The following MAP3K5 variants were observed in gnomAD, a reference collection of about 807,000 sequenced individuals.
The protein encoded by MAP3K5 is mitogen-activated protein kinase kinase kinase 5, also known as ASK-1.
In MAP3K5, 56 loss-of-function variants were observed where a neutral mutation model predicts 158.7. That is an observed-to-expected ratio of 0.35 (90% CI 0.28 to 0.44). MAP3K5 has a LOEUF of 0.44. Ranked by LOEUF, MAP3K5 falls within the 20% of genes least tolerant of loss-of-function variation. The pLI, the probability that MAP3K5 is intolerant of heterozygous loss-of-function variation, is 1.00. For synonymous variants in MAP3K5, 579 were observed against 601.7 expected, an observed-to-expected ratio of 0.96 and a Z score of 0.55; for missense variants, 1,294 against 1,674.8, an observed-to-expected ratio of 0.77 and a Z score of 3.97.
At chr6:136,761,073 G>A (rs959648417) in intron 1 of MAP3K5, among the ~76,000 whole-genome samples, 2 of 152,130 alleles carry the variant, frequency 1.3e-5, no homozygotes, top group African/African-American at 4.8e-5. Context: ...AGCTATTTAT[G>A]AGGAAGTGGG....
In MAP3K5 at chr6:136,740,435, T is replaced by C. The variant is rs555612204; in HGVS notation, c.449-19846A>G. On this transcript the variant is annotated intron_variant, in intron 1 of 29. Coordinates refer to ENST00000359015, the MANE Select transcript of MAP3K5 (RefSeq NM_005923.4). ...AAATATTCATGTCACGTCAAGTTTC[T>C]TTTAGACATCAACAAGCCAGAGCTG... Among the ~76,000 whole-genome samples the C allele has an allele frequency of 5.3e-5, 8 of 152,308 alleles. No homozygotes were observed. In the East Asian group the frequency reaches 1.5e-3, roughly 29 times the overall value.
chr6:136,737,033 G>GTA lies in MAP3K5; in HGVS notation c.449-16445_449-16444insTA, dbSNP rs796790486. Among the ~76,000 whole-genome samples the GTA allele has an allele frequency of 3.4e-4, 38 of 112,010 alleles. 1 individual carries two copies. Among genetic ancestry groups the GTA allele is most frequent in the African/African-American group, 1.1e-3 (20 of 17,646 alleles). The allele number at this position is 112,010 out of a possible 152,430, so 73.5% of individuals were successfully genotyped here. On this transcript the variant is annotated intron_variant, in intron 1 of 29. Coordinates refer to ENST00000359015, the MANE Select transcript of MAP3K5 (RefSeq NM_005923.4). ...AAATTAATTTTACATATATATATGTGTGTGTATATATATATATATATATAA... is the reference window on the plus strand; with the variant it reads ...AAATTAATTTTACATATATATATGTGTATGTGTATATATATATATATATATAA...
chr6:136,701,503 T>C (rs1456244342), intron 3 of MAP3K5, among the ~76,000 whole-genome samples: 2 of 152,174 alleles, frequency 1.3e-5, no homozygotes, highest in Non-Finnish European at 2.9e-5. Flanking sequence ...GAACAATAAT[T>C]AGAAGAGGAA....
At chr6:136,680,451 T>G (rs1000239503) in intron 7 of MAP3K5, among the ~76,000 whole-genome samples, 5 of 152,242 alleles carry the variant, frequency 3.3e-5, no homozygotes, top group Non-Finnish European at 7.3e-5. Flanking sequence ...TTCTTCCAAT[T>G]TTTTGTTACC....
At chr6:136,696,492 C>T (rs903036488) in intron 5 of MAP3K5, among the ~76,000 whole-genome samples, 3 of 152,182 alleles carry the variant, frequency 2.0e-5, no homozygotes, top group Admixed American at 1.3e-4. Context: ...CATGAGTAAG[C>T]ACTCTAGCCA....
chr6:136,711,254 TGA>T (rs1406758080), intron 2 of MAP3K5, among the ~76,000 whole-genome samples: 2 of 151,754 alleles, frequency 1.3e-5, no homozygotes, highest in Non-Finnish European at 2.9e-5. Context: ...GTGGATAGAC[TGA>T]GAGAGGAAAG....
intron 17 of MAP3K5, among the ~76,000 whole-genome samples, 192 bp downstream of exon 17, chr6:136,612,928 T>C (rs999747936): frequency 5.3e-5 from 8 of 152,218 alleles, no homozygotes; most frequent in African/African-American, 1.9e-4. Context: ...AGTGTGTTCC[T>C]TGAGCAGAAG....
chr6:136,719,502 C>A (rs117385955), intron 2 of MAP3K5, among the ~76,000 whole-genome samples: 2 of 152,170 alleles, frequency 1.3e-5, no homozygotes, highest in African/African-American at 4.8e-5. Flanking sequence ...CAGCACAATG[C>A]CTGGCATGTA....
rs533990226 is a variant in MAP3K5, at chr6:136,609,528, C to G, written c.2521+1754G>C. On this transcript the variant is annotated intron_variant, in intron 18 of 29. Coordinates refer to ENST00000359015, the MANE Select transcript of MAP3K5 (RefSeq NM_005923.4). This position sits in a 1 kb window ranked among gnomAD's most constrained non-coding sequence, Gnocchi z 4.4. ...TGAGTTCTGGCTAGGCGTGGGGGTT[C>G]GCACATGTAATCCCAGCACTTTGGG... Among the ~76,000 whole-genome samples the G allele has an allele frequency of 6.6e-6, 1 of 152,062 alleles. No homozygotes were observed. The highest frequency in any genetic ancestry group is 1.5e-5 in the Non-Finnish European group (1 of 68,030).
intron 2 of MAP3K5, among the ~76,000 whole-genome samples, chr6:136,713,213 T>C (rs1293920127): frequency 3.3e-5 from 5 of 152,138 alleles, no homozygotes; most frequent in African/African-American, 1.2e-4. Flanking sequence ...TCTTACTCTT[T>C]AAGGGTATTC....
At chr6:136,721,146 C>T (rs949431120) in intron 1 of MAP3K5, among the ~76,000 whole-genome samples, 2 of 150,758 alleles carry the variant, frequency 1.3e-5, no homozygotes, top group South Asian at 2.1e-4. Context: ...GAATTTGCAA[C>T]GGTGGGAAGC....
intron 25 of MAP3K5, among the ~76,000 whole-genome samples, chr6:136,572,417 C>A (rs1365699379): frequency 6.6e-6 from 1 of 152,244 alleles, no homozygotes; most frequent in Non-Finnish European, 1.5e-5. Context: ...TGCCACCATG[C>A]CTGGCTAATT....
chr6:136,572,723 T>A (rs994844843), intron 25 of MAP3K5, among the ~76,000 whole-genome samples: 1 of 152,242 alleles, frequency 6.6e-6, no homozygotes, highest in Non-Finnish European at 1.5e-5. Context: ...TTAAAGAAAG[T>A]AGAAACTTGT....
At chr6:136,737,620 C>G (rs1201197237) in intron 1 of MAP3K5, among the ~76,000 whole-genome samples, 1 of 152,202 alleles carries the variant, frequency 6.6e-6, no homozygotes, top group Non-Finnish European at 1.5e-5. Flanking sequence ...GCCTCAGCTT[C>G]CATCCATCAT....
At position 136,696,042 on chromosome 6, in the gene MAP3K5, C is replaced by G. The variant is rs1459929175; in HGVS notation, c.991G>C (p.Val331Leu). Residue 331 changes from valine to leucine, a missense_variant, in exon 6 of 30, where the codon GTG (valine) becomes CTG (leucine). Coordinates refer to ENST00000359015, the MANE Select transcript of MAP3K5 (RefSeq NM_005923.4). ...YRDIQDYDSI[V>L]KLVETLEKLP... Reference sequence around the variant, plus strand: ...TTTTCTAAAGTCTCTACCAGCTTCACAATAGAATCATAGTCCTTTCAAATT... The same window carrying G: ...TTTTCTAAAGTCTCTACCAGCTTCAGAATAGAATCATAGTCCTTTCAAATT... 6.2e-7 allele frequency: 1 copy of G among 1,605,148 alleles called. No homozygotes were observed. Among genetic ancestry groups the G allele is most frequent in the Non-Finnish European group, 8.5e-7 (1 of 1,172,336 alleles).
chr6:136,692,330 T>A (rs1462825356), intron 7 of MAP3K5, among the ~76,000 whole-genome samples: 1 of 152,168 alleles, frequency 6.6e-6, no homozygotes, highest in Non-Finnish European at 1.5e-5. Context: ...TATTGGTGGT[T>A]CACCTTGTTC....
intron 7 of MAP3K5, among the ~76,000 whole-genome samples, chr6:136,680,357 C>A (rs1779881439): frequency 3.3e-5 from 5 of 152,068 alleles, no homozygotes; most frequent in Admixed American, 3.3e-4. Context: ...TATATTTTAC[C>A]ACCAAATTTT....
intron 7 of MAP3K5, among the ~76,000 whole-genome samples, chr6:136,674,209 A>G (rs1779605653): frequency 6.6e-6 from 1 of 152,050 alleles, no homozygotes; most frequent in Admixed American, 6.6e-5. Context: ...AAAAATACTA[A>G]AAGTGCTTCA....
At chr6:136,582,453 A>C (rs1474458812) in intron 24 of MAP3K5, among the ~76,000 whole-genome samples, 1 of 152,242 alleles carries the variant, frequency 6.6e-6, no homozygotes, top group East Asian at 1.9e-4. Context: ...ACTTGCAGGC[A>C]GTTGGGTTTC....
Sources: allele counts gnomAD v4.1 joint callset (sites outside exome capture counted in the v4.1 genomes callset), GRCh38; gene constraint gnomAD v4.1.1; non-coding constraint Gnocchi (gnomAD v3.1); transcripts MANE v1.5; gene names NCBI Gene and HGNC (gene_info 2026-07-23, HGNC 2026-07-21).